The following PDZRN3 variants were observed in gnomAD, a reference collection of about 807,000 sequenced individuals.
The protein encoded by PDZRN3 is PDZ domain containing ring finger 3.
A neutral mutation model predicts 85.7 loss-of-function variants in PDZRN3; 38 were observed. The ratio of observed to expected loss-of-function variants is 0.44; its 90% CI spans 0.34 to 0.58. The LOEUF (loss-of-function observed/expected upper bound fraction) is 0.58, where lower values mean the gene tolerates loss of function less well. Among genes scored for constraint, PDZRN3 ranks in the 20% least tolerant of loss-of-function variants. The pLI is 0.01. For missense variants in PDZRN3, 1,629 were observed against 1,506.4 expected (o/e 1.08, Z -1.35); for synonymous variants, 759 against 638.0 (o/e 1.19, Z -2.86).
At chr3:73,510,151 T>G (rs80003434) in intron 3 of PDZRN3, among the ~76,000 whole-genome samples, 1,816 of 152,296 alleles carry the variant, frequency 0.012, 32 homozygotes, top group African/African-American at 0.041. Context: ...CTACTTAGCT[T>G]GAGGATTCAA....
At chr3:73,570,470 T>A (rs1232057171) in intron 3 of PDZRN3, among the ~76,000 whole-genome samples, 1 of 152,206 alleles carries the variant, frequency 6.6e-6, no homozygotes, top group Non-Finnish European at 1.5e-5. Context: ...GGCACAGGAA[T>A]CCTCACACCT....
At chr3:73,395,737 G>A (rs778130969) in intron 5 of PDZRN3, among the ~76,000 whole-genome samples, 7 of 152,206 alleles carry the variant, frequency 4.6e-5, no homozygotes, top group Non-Finnish European at 8.8e-5. Context: ...TATCTTTAAA[G>A]ACTGCATTTT....
chr3:73,444,136 C>T (rs1702701959), intron 3 of PDZRN3, among the ~76,000 whole-genome samples: 1 of 152,176 alleles, frequency 6.6e-6, no homozygotes, highest in African/African-American at 2.4e-5. Flanking sequence ...ATCCCTAATC[C>T]TTTCAATCCA....
chr3:73,388,083 A>ACAACCC lies in PDZRN3; in HGVS notation c.1417-15_1417-14insGGGTTG. ...TATCCCATTAATCTTTTAAAAAAAA[A>ACAACCC]GGGGGGGTGGGGAGAGTGGGGAGAC... is the stretch of plus-strand genomic sequence containing the variant. On this transcript the variant is annotated splice_polypyrimidine_tract_variant and intron_variant, in intron 7 of 9. Transcript: ENST00000263666. 1 of 908,178 alleles carries ACAACCC rather than the reference A, an allele frequency of 1.1e-6. No individual in the cohort carries two copies. Among genetic ancestry groups the ACAACCC allele is most frequent in the Non-Finnish European group, 1.7e-6 (1 of 588,936 alleles). The allele number at this position is 908,178 out of a possible 1,614,324, so 56.3% of individuals were successfully genotyped here. A position where few individuals can be genotyped will look rare whatever the true frequency, so the allele number is the denominator to read the frequency against.
chr3:73,621,114 G>A (rs1046444175), intron 1 of PDZRN3, among the ~76,000 whole-genome samples: 4 of 152,180 alleles, frequency 2.6e-5, no homozygotes, highest in African/African-American at 9.6e-5. Flanking sequence ...AATCTCTAGG[G>A]GTGAGACTGA....
intron 1 of PDZRN3, among the ~76,000 whole-genome samples, chr3:73,622,284 G>A (rs1702877872): frequency 6.6e-6 from 1 of 152,216 alleles, no homozygotes; most frequent in South Asian, 2.1e-4. Context: ...GGGCCAGGAA[G>A]GGGGGCCAGG....
intron 3 of PDZRN3, among the ~76,000 whole-genome samples, chr3:73,493,204 T>A (rs1399504889): frequency 6.6e-6 from 1 of 152,058 alleles, no homozygotes; most frequent in Non-Finnish European, 1.5e-5. Context: ...ATGGCCTGGG[T>A]GACACCCAAG....
At chr3:73,473,963 G>A (rs963693381) in intron 3 of PDZRN3, among the ~76,000 whole-genome samples, 1 of 152,180 alleles carries the variant, frequency 6.6e-6, no homozygotes, top group African/African-American at 2.4e-5. Context: ...ACTAGGTGTT[G>A]GAGTAATTTA....
chr3:73,517,876 A>G (rs1442525572), intron 3 of PDZRN3, among the ~76,000 whole-genome samples: 1 of 152,262 alleles, frequency 6.6e-6, no homozygotes, highest in Non-Finnish European at 1.5e-5. Flanking sequence ...CCATACAGAT[A>G]GGGCAATTAT....
intron 5 of PDZRN3, among the ~76,000 whole-genome samples, 160 bp from the exon 6 acceptor site, chr3:73,391,276 C>CA (rs1701522324): frequency 6.6e-6 from 1 of 152,182 alleles, no homozygotes; most frequent in South Asian, 2.1e-4. Flanking sequence ...TGATTATGGA[C>CA]ACAGGATCAA....
intron 3 of PDZRN3, among the ~76,000 whole-genome samples, chr3:73,485,116 A>G (rs1264296536): frequency 7.9e-5 from 12 of 152,114 alleles, no homozygotes; most frequent in Admixed American, 7.2e-4. Context: ...CTGTCTCAAG[A>G]CTGTTCTGAG....
chr3:73,572,044 C>CA (rs1702052953), intron 3 of PDZRN3, among the ~76,000 whole-genome samples: 1 of 151,656 alleles, frequency 6.6e-6, no homozygotes, highest in African/African-American at 2.4e-5. Flanking sequence ...TGATTCAGTG[C>CA]AAAAAAAGGT....
rs377349000 is a variant in PDZRN3, at chr3:73,384,547, G to A, written c.2019C>T (p.Ala673=). The A allele has an allele frequency of 4.3e-6, 7 of 1,613,666 alleles. No homozygotes were observed. Among genetic ancestry groups the A allele is most frequent in the South Asian group, 2.2e-5 (2 of 91,082 alleles). ...GLYYPSGPLD[A]GKSDPESVDK... ...CCACGCTCTCAGGGTCACTCTTGCC[G>A]GCGTCCAGGGGGCCGCTAGGGTAGT... The change falls in exon 10 of 10, where the codon GCC becomes GCT. Residue 673 remains alanine (A), a synonymous_variant. Transcript: ENST00000263666.
intron 3 of PDZRN3, among the ~76,000 whole-genome samples, chr3:73,460,693 A>G (rs1447400583): frequency 6.6e-6 from 1 of 152,252 alleles, no homozygotes; most frequent in African/African-American, 2.4e-5. Flanking sequence ...GAAGTTGATC[A>G]AAGAACAAAG....
At chr3:73,496,203 G>C (rs1258329642) in intron 3 of PDZRN3, among the ~76,000 whole-genome samples, 2 of 152,204 alleles carry the variant, frequency 1.3e-5, no homozygotes, top group East Asian at 3.9e-4. Context: ...AAAATACCCT[G>C]TACCCATCAT....
intron 3 of PDZRN3, among the ~76,000 whole-genome samples, chr3:73,442,008 A>G (rs13315691): frequency 0.2 from 30,724 of 152,154 alleles, 6,446 homozygotes; most frequent in African/African-American, 0.54. Flanking sequence ...TCCATGGGTA[A>G]TCTCTTTGCC....
At chr3:73,448,989 G>A (rs1179460800) in intron 3 of PDZRN3, among the ~76,000 whole-genome samples, 1 of 152,192 alleles carries the variant, frequency 6.6e-6, no homozygotes, top group Non-Finnish European at 1.5e-5. Context: ...TCACAAGACT[G>A]ATTTTCATGG....
chr3:73,610,931 T>C (rs1474100799), intron 1 of PDZRN3, among the ~76,000 whole-genome samples: 2 of 152,202 alleles, frequency 1.3e-5, no homozygotes, highest in Non-Finnish European at 2.9e-5. Context: ...CTTTATTTCA[T>C]TTTTTAATCC....
At chr3:73,440,701 T>C (rs1204226928) in intron 3 of PDZRN3, among the ~76,000 whole-genome samples, 1 of 152,176 alleles carries the variant, frequency 6.6e-6, no homozygotes, top group Non-Finnish European at 1.5e-5. Context: ...CAAAAGGCCC[T>C]TGCTAACTCT....
Sources: allele counts gnomAD v4.1 joint callset (sites outside exome capture counted in the v4.1 genomes callset), GRCh38; gene constraint gnomAD v4.1.1; transcripts MANE v1.5; gene names NCBI Gene and HGNC (gene_info 2026-07-23, HGNC 2026-07-21).